The following TCF12 variants were observed in gnomAD, a reference collection of about 807,000 sequenced individuals.
TCF12 encodes the protein transcription factor 12, also known as DNA-binding protein HTF4.
A neutral mutation model predicts 86.0 loss-of-function variants in TCF12; 45 were observed. The observed-to-expected ratio is 0.52, with a 90% CI of 0.41 to 0.67. TCF12 has a LOEUF of 0.67. Among genes scored for constraint, TCF12 ranks in the 30% least tolerant of loss-of-function variants. The probability of loss-of-function intolerance (pLI) is 0.00; values close to 1 mark genes in which losing one functional copy is unlikely to be tolerated. For synonymous variants in TCF12, 330 were observed against 299.6 expected (o/e 1.10, Z -1.05); for missense variants, 881 against 859.9 (o/e 1.02, Z -0.31).
intron 3 of TCF12, among the ~76,000 whole-genome samples, chr15:56,926,654 C>T (rs567986943): frequency 5.5e-4 from 83 of 152,244 alleles, no homozygotes; most frequent in Non-Finnish European, 1.2e-3. Context: ...TTTTATTAAT[C>T]ACCACTCCTT....
At chr15:57,075,817 T>TCG (rs2069907131) in intron 4 of TCF12, among the ~76,000 whole-genome samples, 1 of 81,134 alleles carries the variant, frequency 1.2e-5, no homozygotes. Flanking sequence ...TCTCTCTCTC[T>TCG]CTCTCTCTCT....
chr15:57,007,677 T>TA (rs2064463754), intron 3 of TCF12, among the ~76,000 whole-genome samples: 3 of 152,164 alleles, frequency 2.0e-5, no homozygotes, highest in Non-Finnish European at 4.4e-5. Flanking sequence ...AACTGACTAA[T>TA]ATGATAAGTC....
chr15:57,125,921 A>G (rs1181860565), intron 5 of TCF12, among the ~76,000 whole-genome samples: 5 of 152,174 alleles, frequency 3.3e-5, no homozygotes, highest in African/African-American at 1.2e-4. Context: ...TCATACTTAG[A>G]TTTTGTGTGT....
At chr15:57,154,870 T>A (rs1013661716) in intron 5 of TCF12, among the ~76,000 whole-genome samples, 4 of 152,192 alleles carry the variant, frequency 2.6e-5, no homozygotes, top group African/African-American at 9.7e-5. Context: ...AATATAGTAT[T>A]GTATAATATA....
intron 16 of TCF12, among the ~76,000 whole-genome samples, 199 bp downstream of exon 16, chr15:57,253,667 A>G (rs1296208420): frequency 6.6e-6 from 1 of 152,216 alleles, no homozygotes; most frequent in African/African-American, 2.4e-5. Flanking sequence ...TGCAAAAAGC[A>G]TAAGCTTTCT....
chr15:57,086,112 G>T (rs182249735), intron 4 of TCF12, among the ~76,000 whole-genome samples: 19 of 151,686 alleles, frequency 1.3e-4, no homozygotes, highest in African/African-American at 4.6e-4. Context: ...TATGTGGCAG[G>T]CATCATTCTG....
At chr15:57,033,481 C>T (rs956397940) in intron 3 of TCF12, among the ~76,000 whole-genome samples, 1 of 152,054 alleles carries the variant, frequency 6.6e-6, no homozygotes, top group Non-Finnish European at 1.5e-5. Context: ...CAAATGTTTT[C>T]CCCACATTAT....
At chr15:56,942,206 G>A (rs1331976644) in intron 3 of TCF12, among the ~76,000 whole-genome samples, 4 of 152,092 alleles carry the variant, frequency 2.6e-5, no homozygotes, top group Non-Finnish European at 2.9e-5. Context: ...GAGATAATTG[G>A]TATTTTTATG....
At chr15:56,997,962 G>A (rs1280407251) in intron 3 of TCF12, among the ~76,000 whole-genome samples, 1 of 152,140 alleles carries the variant, frequency 6.6e-6, no homozygotes, top group South Asian at 2.1e-4. Context: ...CCCAAATAAA[G>A]AGGAACATTA....
chr15:57,276,448 G>C (rs1159094373), intron 19 of TCF12, among the ~76,000 whole-genome samples: 2 of 152,200 alleles, frequency 1.3e-5, no homozygotes, highest in Admixed American at 1.3e-4. Context: ...AGATGAAATA[G>C]CGAAAGCTGC....
intron 3 of TCF12, among the ~76,000 whole-genome samples, chr15:56,942,732 G>GT (rs1212272729): frequency 1.3e-5 from 2 of 152,098 alleles, no homozygotes; most frequent in Admixed American, 6.6e-5. Flanking sequence ...TAAGTCTTCA[G>GT]TTTTTTAAAA....
Position 57,077,230 on chromosome 15 carries a change from C to A in TCF12, c.222+13407C>A, listed in dbSNP as rs112636246. On this transcript the variant is annotated intron_variant, in intron 4 of 20. Transcript: ENST00000333725. ...TTAGGATTGCATTGAGTCTGTAGATCAGTTGGAGGGGGAACTTAACAGTGT... is the reference window on the plus strand; with the variant it reads ...TTAGGATTGCATTGAGTCTGTAGATAAGTTGGAGGGGGAACTTAACAGTGT... Among the ~76,000 whole-genome samples the A allele has an allele frequency of 2.9e-3, 446 of 151,728 alleles. 1 individual carries two copies. Among genetic ancestry groups the A allele is most frequent in the African/African-American group, 0.01 (428 of 41,352 alleles).
chr15:56,965,924 A>AT (rs1358390835), intron 3 of TCF12, among the ~76,000 whole-genome samples: 1 of 152,298 alleles, frequency 6.6e-6, no homozygotes, highest in Non-Finnish European at 1.5e-5. Context: ...TATATTAGTG[A>AT]TTTTTGATTG....
rs113723324 is a variant in TCF12 at position 57,063,646 on chromosome 15, G to A, written c.149-104G>A. The A allele has an allele frequency of 8.5e-5, 69 of 812,966 alleles. 4 individuals are homozygous for A. Among genetic ancestry groups the A allele is most frequent in the African/African-American group, 6.9e-4 (41 of 59,328 alleles). 50.4% of individuals were successfully genotyped at this position (812,966 alleles called of 1,614,324 possible). A position where few individuals can be genotyped will look rare whatever the true frequency, so the allele number is the denominator to read the frequency against. On this transcript the variant is annotated intron_variant, in intron 3 of 20. Coordinates refer to ENST00000333725, the MANE Select transcript of TCF12 (RefSeq NM_207037.2). ...AAGGATTGATACTTAGCTCTTCCAC[G>A]AAAGCGCAAATACCACTTGCTAAAT...
intron 3 of TCF12, among the ~76,000 whole-genome samples, chr15:56,983,797 C>G (rs1298060017): frequency 6.6e-6 from 1 of 151,482 alleles, no homozygotes; most frequent in Non-Finnish European, 1.5e-5. Flanking sequence ...GCCCAGGATT[C>G]AAGATCAGCC....
intron 3 of TCF12, among the ~76,000 whole-genome samples, chr15:56,925,784 T>C (rs2059984398): frequency 6.6e-6 from 1 of 152,190 alleles, no homozygotes; most frequent in Non-Finnish European, 1.5e-5. Context: ...CTTGAAAGTA[T>C]GTTTATGGAT....
In TCF12 at chr15:57,071,081, T is replaced by A. The variant is rs145980709; in HGVS notation, c.222+7258T>A. Reference sequence around the variant, plus strand: ...TGTGTATCTTATAGTTCAGGAAATATGCTTAGACATGTAAGTCATATTTGC... The same window carrying A: ...TGTGTATCTTATAGTTCAGGAAATAAGCTTAGACATGTAAGTCATATTTGC... On this transcript the variant is annotated intron_variant, in intron 4 of 20. Coordinates refer to ENST00000333725, the MANE Select transcript of TCF12 (RefSeq NM_207037.2). Among the ~76,000 whole-genome samples the A allele has an allele frequency of 3.7e-3, 557 of 152,236 alleles. 5 individuals carry two copies. Among genetic ancestry groups the A allele is most frequent in the African/African-American group, 0.013 (530 of 41,530 alleles).
At chr15:57,033,183 A>G (rs1260278612) in intron 3 of TCF12, among the ~76,000 whole-genome samples, 2 of 152,194 alleles carry the variant, frequency 1.3e-5, no homozygotes, top group Non-Finnish European at 2.9e-5. Context: ...TGGACTGGTA[A>G]CATTAGGACT....
chr15:56,988,536 A>G (rs1315443008), intron 3 of TCF12, among the ~76,000 whole-genome samples: 1 of 152,180 alleles, frequency 6.6e-6, no homozygotes, highest in East Asian at 1.9e-4. Context: ...GTGACTGTCA[A>G]CAAGAAATTG....
Sources: allele counts gnomAD v4.1 joint callset (sites outside exome capture counted in the v4.1 genomes callset), GRCh38; gene constraint gnomAD v4.1.1; transcripts MANE v1.5; gene names NCBI Gene and HGNC (gene_info 2026-07-23, HGNC 2026-07-21).